Variants in TNIK observed in about 807,000 individuals in gnomAD.
TNIK encodes the protein TRAF2 and NCK interacting kinase.
In TNIK, 49 loss-of-function variants were observed where a neutral mutation model predicts 191.3. The ratio of observed to expected loss-of-function variants is 0.26; its 90% confidence interval spans 0.20 to 0.32. The LOEUF (loss-of-function observed/expected upper bound fraction) is 0.32. Among genes scored for constraint, TNIK ranks in the 10% least tolerant of loss-of-function variants. The pLI, the probability that TNIK is intolerant of heterozygous loss-of-function variation, is 1.00. For missense variants in TNIK, 1,155 were observed against 1,702.3 expected (o/e 0.68, Z 5.66); for synonymous variants, 594 against 600.9 (o/e 0.99, Z 0.17).
chr3:171,172,754 TC>T (rs1735472376), intron 9 of TNIK, among the ~76,000 whole-genome samples: 1 of 152,184 alleles, frequency 6.6e-6, no homozygotes, highest in Admixed American at 6.5e-5. Flanking sequence ...TGGGACTTGT[TC>T]CCATAGCTTT....
At chr3:171,333,111 A>T (rs1432738675) in intron 2 of TNIK, among the ~76,000 whole-genome samples, 2 of 152,094 alleles carry the variant, frequency 1.3e-5, no homozygotes, top group Non-Finnish European at 2.9e-5. Flanking sequence ...TTCGAACTAT[A>T]TTCTGCTTGA....
At chr3:171,139,280 CAG>C (rs1730443158) in intron 14 of TNIK, among the ~76,000 whole-genome samples, 188 bp downstream of exon 14, 1 of 152,046 alleles carries the variant, frequency 6.6e-6, no homozygotes, top group Non-Finnish European at 1.5e-5. Flanking sequence ...CAAAATCAAT[CAG>C]AAAATGTATT....
At chr3:171,346,999 T>A in intron 2 of TNIK, 1 of 737,644 alleles carries the variant, frequency 1.4e-6, no homozygotes, top group Non-Finnish European at 2.1e-6. Flanking sequence ...GCTGCAAGGA[T>A]AACATCAAGG....
At chr3:171,097,268 G>A (rs1722853653) in intron 22 of TNIK, among the ~76,000 whole-genome samples, 1 of 152,320 alleles carries the variant, frequency 6.6e-6, no homozygotes, top group African/African-American at 2.4e-5. Context: ...AGTAACCTTG[G>A]AAATGAGTGG....
chr3:171,190,426 G>A (rs1737903359), intron 6 of TNIK, among the ~76,000 whole-genome samples: 1 of 152,082 alleles, frequency 6.6e-6, no homozygotes, highest in South Asian at 2.1e-4. Context: ...TTCAAAGTTT[G>A]TCACTTCTAA....
At chr3:171,393,613 A>C (rs1719851076) in intron 1 of TNIK, among the ~76,000 whole-genome samples, 1 of 152,236 alleles carries the variant, frequency 6.6e-6, no homozygotes, top group Non-Finnish European at 1.5e-5. Flanking sequence ...CTCATAGCAT[A>C]GTTTCCTCAT....
At chr3:171,217,184 A>G (rs971191613) in intron 3 of TNIK, among the ~76,000 whole-genome samples, 4 of 152,158 alleles carry the variant, frequency 2.6e-5, no homozygotes, top group Non-Finnish European at 4.4e-5. Flanking sequence ...TAAAGAAAAT[A>G]TGGTATGCAT....
intron 3 of TNIK, among the ~76,000 whole-genome samples, chr3:171,226,802 T>C (rs1326405183): frequency 6.6e-6 from 1 of 152,150 alleles, no homozygotes; most frequent in Non-Finnish European, 1.5e-5. Context: ...CAGTACAATG[T>C]GTGGTGTAAA....
rs55641639 is a variant in TNIK at position 171,403,922 on chromosome 3, C to T, written c.58-34237G>A. On this transcript the variant is annotated intron_variant, in intron 1 of 32. Transcript: ENST00000436636. ...TTCTTTTGACAGCATCAACTGCTGA[C>T]CCACACTTGGCTTTCTGTATTGCAC... 3.5e-3 allele frequency among the ~76,000 whole-genome samples: 540 copies of T among 152,310 alleles called. 2 individuals carry two copies. Among genetic ancestry groups the T allele is most frequent in the African/African-American group, 0.012 (516 of 41,560 alleles).
chr3:171,143,982 A>C (rs1294438545), intron 12 of TNIK, among the ~76,000 whole-genome samples: 1 of 152,194 alleles, frequency 6.6e-6, no homozygotes, highest in African/African-American at 2.4e-5. Context: ...ATAAGGGAAT[A>C]AGAGTCTAAA....
chr3:171,342,228 T>C (rs1439430974), intron 2 of TNIK, among the ~76,000 whole-genome samples: 3 of 152,234 alleles, frequency 2.0e-5, no homozygotes, highest in Non-Finnish European at 4.4e-5. Context: ...TCCCACAGTC[T>C]CCAATTCTTC....
chr3:171,170,695 A>C (rs1211738836), intron 9 of TNIK, among the ~76,000 whole-genome samples: 2 of 152,212 alleles, frequency 1.3e-5, no homozygotes, highest in African/African-American at 4.8e-5. Flanking sequence ...TGCCCCCAGC[A>C]ATCTCTGAGC....
At chr3:171,175,134 G>A in intron 9 of TNIK, 118 bp downstream of exon 9, 1 of 957,298 alleles carries the variant, frequency 1.0e-6, no homozygotes, top group Non-Finnish European at 1.6e-6. Context: ...AATTCACCAA[G>A]TCATCATACA....
chr3:171,278,321 G>A (rs544105455), intron 2 of TNIK, among the ~76,000 whole-genome samples: 1 of 152,232 alleles, frequency 6.6e-6, no homozygotes, highest in African/African-American at 2.4e-5. Context: ...GTCCAAAAAA[G>A]AGCAGCCTTT....
chr3:171,317,098 A>C (rs1188758560), intron 2 of TNIK, among the ~76,000 whole-genome samples: 1 of 151,806 alleles, frequency 6.6e-6, no homozygotes, highest in Non-Finnish European at 1.5e-5. Context: ...ACAGGTCCTA[A>C]ATTTCTTCTC....
intron 2 of TNIK, among the ~76,000 whole-genome samples, chr3:171,327,967 C>A (rs920279959): frequency 2.8e-5 from 4 of 140,446 alleles, no homozygotes; most frequent in Non-Finnish European, 4.6e-5. Flanking sequence ...AACCCTATTT[C>A]AGACCTACTG....
intron 2 of TNIK, among the ~76,000 whole-genome samples, chr3:171,301,308 G>A (rs1752852665): frequency 6.9e-6 from 1 of 145,676 alleles, no homozygotes; most frequent in Non-Finnish European, 1.5e-5. Context: ...CAAACAACTA[G>A]CTGGACTTTT....
Position 171,093,841 on chromosome 3 carries a change from C to T in TNIK, c.2719G>A (p.Glu907Lys), listed in dbSNP as rs1016149207. The T allele has an allele frequency of 6.2e-7, 1 of 1,613,454 alleles. No individual in the cohort carries two copies. The highest frequency in any genetic ancestry group is 8.5e-7 in the Non-Finnish European group (1 of 1,179,654). Residue 907 changes from glutamate (E) to lysine (K), a missense_variant and splice_region_variant, in exon 23 of 33, where the codon GAG becomes AAG. Glu to Lys is a moderately conservative substitution (Grantham distance 56). This residue lies in a region of TNIK where 735 missense variants were observed against 848.0 expected (regional missense o/e 0.87). Transcript: ENST00000436636. ...ISREGTLMIRETSGEKKRSGH... is the reference protein window; with the variant it reads ...ISREGTLMIRKTSGEKKRSGH... ...ACACAGTTTTTATACCAACTTACCT[C>T]TCTAATCATCAAGGTTCCTTCTCTT...
intron 2 of TNIK, among the ~76,000 whole-genome samples, chr3:171,359,061 G>A (rs1479847054): frequency 1.3e-5 from 2 of 152,160 alleles, no homozygotes; most frequent in African/African-American, 4.8e-5. Flanking sequence ...ACAACAATGT[G>A]AATGTACTTA....
Sources: gnomAD v4.1 joint callset for allele counts (sites outside exome capture counted in the v4.1 genomes callset) on GRCh38, gnomAD v4.1.1 for gene constraint, gnomAD v4.1.1 regional missense constraint, MANE v1.5 for transcripts, NCBI Gene and HGNC (gene_info 2026-07-23, HGNC 2026-07-21) for gene names.